The following SCAI variants were observed in gnomAD, a reference collection of about 807,000 sequenced individuals.
SCAI encodes suppressor of cancer cell invasion.
A neutral mutation model predicts 92.2 loss-of-function variants in SCAI; 24 were observed. The ratio of observed to expected loss-of-function variants is 0.26; its 90% confidence interval spans 0.19 to 0.37. The LOEUF is 0.37. SCAI is among the 10% of genes least tolerant of loss of function. The pLI, the probability that SCAI is intolerant of heterozygous loss-of-function variation, is 1.00. For synonymous variants in SCAI, 261 were observed against 258.6 expected (o/e 1.01, Z -0.09); for missense variants, 450 against 736.2 (o/e 0.61, Z 4.50).
intron 2 of SCAI, among the ~76,000 whole-genome samples, chr9:125,130,557 A>C (rs1199933736): frequency 6.6e-6 from 1 of 151,982 alleles, no homozygotes; most frequent in Non-Finnish European, 1.5e-5. Flanking sequence ...CTCTGTTGCC[A>C]GGCTGGAGTG....
At chr9:125,131,318 G>A (rs1181232010) in intron 2 of SCAI, among the ~76,000 whole-genome samples, 1 of 150,174 alleles carries the variant, frequency 6.7e-6, no homozygotes, top group Non-Finnish European at 1.5e-5. Flanking sequence ...TGAGGAGGGA[G>A]AATCGCTGGA....
intron 2 of SCAI, among the ~76,000 whole-genome samples, chr9:125,126,615 C>A (rs893205598): frequency 3.3e-5 from 5 of 151,850 alleles, no homozygotes; most frequent in Admixed American, 6.6e-5. Context: ...AACACACATG[C>A]AAGGCAGAAA....
intron 12 of SCAI, among the ~76,000 whole-genome samples, chr9:125,001,736 A>G (rs900567097): frequency 6.6e-6 from 1 of 152,230 alleles, no homozygotes; most frequent in Admixed American, 6.5e-5. Flanking sequence ...TGAAGCAAGC[A>G]TTTAATATAT....
intron 2 of SCAI, among the ~76,000 whole-genome samples, chr9:125,058,034 G>A (rs1321947685): frequency 6.6e-6 from 1 of 152,080 alleles, no homozygotes; most frequent in Non-Finnish European, 1.5e-5. Flanking sequence ...AGCAGTTCAA[G>A]GGTGCAGAGA....
intron 14 of SCAI, among the ~76,000 whole-genome samples, chr9:124,989,164 C>G (rs942412649): frequency 2.0e-5 from 3 of 151,574 alleles, no homozygotes; most frequent in African/African-American, 7.3e-5. Context: ...TAAAGTCAAA[C>G]CAGGAAACGA....
chr9:125,003,378 A>T, intron 10 of SCAI, 91 bp downstream of exon 10: 1 of 1,034,986 alleles, frequency 9.7e-7, no homozygotes, highest in Non-Finnish European at 1.5e-6. Flanking sequence ...TCTTTATTCA[A>T]GGCTGTAGTA....
At chr9:125,137,452 C>T (rs1486226479) in intron 2 of SCAI, among the ~76,000 whole-genome samples, 3 of 152,324 alleles carry the variant, frequency 2.0e-5, no homozygotes, top group East Asian at 3.9e-4. Context: ...GTGAACAAAA[C>T]ACGTATAGTC....
chr9:124,974,154 C>T (rs1437883746), intron 15 of SCAI: 9 of 421,316 alleles, frequency 2.1e-5, no homozygotes, highest in Non-Finnish European at 4.2e-5. Flanking sequence ...ATAGTGCTAT[C>T]TCCAGTGCCC....
chr9:125,128,841 T>TC (rs1002455892), intron 2 of SCAI, among the ~76,000 whole-genome samples: 2 of 151,810 alleles, frequency 1.3e-5, no homozygotes, highest in Admixed American at 1.3e-4. Flanking sequence ...GGCAGGTCTA[T>TC]CACCTGAGGT....
intron 2 of SCAI, among the ~76,000 whole-genome samples, chr9:125,073,889 TCTATTCTTC>T (rs1834031573): frequency 6.6e-6 from 1 of 152,092 alleles, no homozygotes; most frequent in South Asian, 2.1e-4. Context: ...ACTGCAGGCT[TCTATTCTTC>T]CTATTCTTCC....
chr9:125,068,035 G>C (rs1833906597), intron 2 of SCAI, among the ~76,000 whole-genome samples: 1 of 152,194 alleles, frequency 6.6e-6, no homozygotes, highest in South Asian at 2.1e-4. Context: ...ATAATGTTAA[G>C]TCTGCATTAC....
intron 6 of SCAI, among the ~76,000 whole-genome samples, chr9:125,024,694 T>C (rs1393703581): frequency 6.6e-6 from 1 of 152,194 alleles, no homozygotes; most frequent in East Asian, 1.9e-4. Flanking sequence ...GGAAACTCTG[T>C]TCTTCCAGGT....
chr9:125,142,385 T>G, intron 2 of SCAI: 1 of 349,652 alleles, frequency 2.9e-6, no homozygotes, highest in Non-Finnish European at 5.2e-6. Context: ...TTACACAACA[T>G]CAAAAAGTAA....
intron 2 of SCAI, among the ~76,000 whole-genome samples, chr9:125,070,599 A>T (rs549133457): frequency 6.6e-6 from 1 of 152,064 alleles, no homozygotes; most frequent in East Asian, 1.9e-4. Context: ...GGTTTTTACC[A>T]TGTTGGCCAG....
chr9:124,998,219 C>T (rs1312907929), intron 13 of SCAI, among the ~76,000 whole-genome samples: 2 of 152,088 alleles, frequency 1.3e-5, no homozygotes, highest in Non-Finnish European at 2.9e-5. Flanking sequence ...AATTCCAGCA[C>T]TTTGGGAGGC....
intron 2 of SCAI, among the ~76,000 whole-genome samples, chr9:125,100,894 C>T (rs912176785): frequency 2.0e-5 from 3 of 152,130 alleles, no homozygotes; most frequent in African/African-American, 7.2e-5. Context: ...AGTTAGCTTG[C>T]CTGATGTGTT....
chr9:125,005,722 C>T (rs1474794311), intron 9 of SCAI, among the ~76,000 whole-genome samples: 1 of 152,186 alleles, frequency 6.6e-6, no homozygotes, highest in African/African-American at 2.4e-5. Context: ...CATGGGCCTC[C>T]TGGCTAAGAA....
chr9:125,110,879 T>C (rs1364693609), intron 2 of SCAI, among the ~76,000 whole-genome samples: 3 of 152,194 alleles, frequency 2.0e-5, no homozygotes, highest in Admixed American at 1.3e-4. Context: ...AAAAGCGCCC[T>C]GAGGCCTCCC....
chr9:125,030,159 T>C (rs1833044458), intron 3 of SCAI, among the ~76,000 whole-genome samples: 1 of 152,224 alleles, frequency 6.6e-6, no homozygotes, highest in South Asian at 2.1e-4. Context: ...TTCTGCACTA[T>C]TCTATCCTCT....
Sources: gnomAD v4.1 joint callset for allele counts (sites outside exome capture counted in the v4.1 genomes callset) on GRCh38, gnomAD v4.1.1 for gene constraint, MANE v1.5 for transcripts, NCBI Gene and HGNC (gene_info 2026-07-23, HGNC 2026-07-21) for gene names.